EPHA6: variants seen among roughly 807,000 people sequenced by gnomAD.
The protein encoded by EPHA6 is ephrin type-A receptor 6.
A neutral mutation model predicts 112.0 loss-of-function variants in EPHA6; 50 were observed. The ratio of observed to expected loss-of-function variants is 0.45; its 90% CI spans 0.36 to 0.56. EPHA6 has a LOEUF of 0.56. Among genes scored for constraint, EPHA6 ranks in the 20% least tolerant of loss-of-function variants. EPHA6 has a pLI of 0.00. For synonymous variants in EPHA6, 529 were observed against 490.7 expected, an observed-to-expected ratio of 1.08 and a Z score of -1.03; for missense variants, 1,280 against 1,417.4, an observed-to-expected ratio of 0.90 and a Z score of 1.56.
intron 11 of EPHA6, among the ~76,000 whole-genome samples, chr3:97,538,434 C>T (rs560523042): frequency 6.6e-6 from 1 of 152,242 alleles, no homozygotes; most frequent in African/African-American, 2.4e-5. Context: ...CTTATTTGGA[C>T]ATGCTAAGTT....
At chr3:97,009,130 C>T (rs1239682830) in intron 3 of EPHA6, among the ~76,000 whole-genome samples, 1 of 152,076 alleles carries the variant, frequency 6.6e-6, no homozygotes, top group African/African-American at 2.4e-5. Flanking sequence ...AGCACTTTGT[C>T]CCTTGGTGGA....
chr3:97,535,975 T>C (rs1400983081), intron 11 of EPHA6, among the ~76,000 whole-genome samples: 2 of 152,102 alleles, frequency 1.3e-5, no homozygotes, highest in Non-Finnish European at 2.9e-5. Context: ...AGCTGTATTA[T>C]CCAAAAAACT....
intron 3 of EPHA6, among the ~76,000 whole-genome samples, chr3:97,144,355 T>C (rs1403120266): frequency 6.6e-6 from 1 of 151,546 alleles, no homozygotes; most frequent in African/African-American, 2.4e-5. Flanking sequence ...ACTTTACAAT[T>C]ATATGGATCA....
intron 3 of EPHA6, among the ~76,000 whole-genome samples, chr3:97,051,168 A>G (rs2045674082): frequency 1.3e-5 from 2 of 152,156 alleles, no homozygotes; most frequent in Non-Finnish European, 2.9e-5. Context: ...GCTATCCATC[A>G]CTCATTTGTT....
intron 5 of EPHA6, among the ~76,000 whole-genome samples, chr3:97,338,288 A>G (rs764268499): frequency 3.3e-5 from 5 of 152,142 alleles, no homozygotes; most frequent in Non-Finnish European, 5.9e-5. Flanking sequence ...TCGATAAATG[A>G]AGACATGAAG....
intron 3 of EPHA6, among the ~76,000 whole-genome samples, chr3:97,127,780 C>T (rs932618857): frequency 6.6e-6 from 1 of 151,300 alleles, no homozygotes; most frequent in African/African-American, 2.4e-5. Flanking sequence ...TAGCTTCCAG[C>T]GTGTCATATT....
rs552315488 is a variant in EPHA6, at chr3:97,566,619, C to T, written c.2387-25993C>T. Among the ~76,000 whole-genome samples the T allele has an allele frequency of 2.0e-5, 3 of 152,098 alleles. No homozygotes were observed. In the East Asian group the frequency reaches 5.8e-4, roughly 29 times the overall value. ...TCTGTTAGTGAGAAATGTTAGAAAC[C>T]CAAGTCATGCTCTCTTAATTCAAAG... On this transcript the variant is annotated intron_variant, in intron 11 of 17. Coordinates refer to ENST00000389672, the MANE Select transcript of EPHA6 (RefSeq NM_001080448.3).
At chr3:97,631,830 A>G (rs2093905369) in intron 13 of EPHA6, among the ~76,000 whole-genome samples, 2 of 151,982 alleles carry the variant, frequency 1.3e-5, no homozygotes, top group African/African-American at 4.8e-5. Flanking sequence ...GAATCGCCAG[A>G]GTTATCTGCT....
At chr3:97,647,776 CTG>C (rs374225506) in intron 14 of EPHA6, among the ~76,000 whole-genome samples, 41 of 152,250 alleles carry the variant, frequency 2.7e-4, no homozygotes, top group Non-Finnish European at 5.1e-4. Context: ...ACATGGACAA[CTG>C]TTTTATAACC....
intron 14 of EPHA6, among the ~76,000 whole-genome samples, chr3:97,682,952 C>G (rs1423190510): frequency 1.3e-5 from 2 of 152,078 alleles, no homozygotes; most frequent in Non-Finnish European, 2.9e-5. Context: ...TTTGCTGTAA[C>G]CTGACTACAG....
At chr3:97,156,000 T>G (rs1264554800) in intron 3 of EPHA6, among the ~76,000 whole-genome samples, 2 of 152,120 alleles carry the variant, frequency 1.3e-5, no homozygotes, top group Admixed American at 1.3e-4. Flanking sequence ...CAGAATAATC[T>G]CCCTATATTA....
At chr3:96,940,325 T>G (rs141234807) in intron 2 of EPHA6, among the ~76,000 whole-genome samples, 3 of 152,342 alleles carry the variant, frequency 2.0e-5, no homozygotes, top group Non-Finnish European at 2.9e-5. Context: ...TTAGCTCTTG[T>G]TGAATTGATC....
intron 14 of EPHA6, among the ~76,000 whole-genome samples, chr3:97,642,574 C>T (rs951252572): frequency 6.6e-6 from 1 of 151,198 alleles, no homozygotes; most frequent in Non-Finnish European, 1.5e-5. Flanking sequence ...ACTAGAATAA[C>T]CAATACAGAG....
intron 3 of EPHA6, among the ~76,000 whole-genome samples, chr3:97,102,317 G>A (rs577977637): frequency 6.6e-5 from 10 of 152,132 alleles, no homozygotes; most frequent in African/African-American, 2.4e-4. Context: ...TAAATGCTAC[G>A]TGGAGCAAAG....
chr3:97,531,628 T>G lies in EPHA6; in HGVS notation c.2201-730T>G, dbSNP rs111855489. On this transcript the variant is annotated intron_variant, in intron 10 of 17. Coordinates refer to ENST00000389672, the MANE Select transcript of EPHA6 (RefSeq NM_001080448.3). ...AATGTTTAATTTATGTGCATCTAAA[T>G]TCTCCTACCAGATTATAAGCACCTG... is the stretch of plus-strand genomic sequence containing the variant. Among the ~76,000 whole-genome samples the G allele has an allele frequency of 5.8e-3, 886 of 152,220 alleles. 6 individuals carry two copies. The highest frequency in any genetic ancestry group is 9.7e-3 in the Non-Finnish European group (662 of 67,972).
chr3:97,016,922 G>A (rs1160207812), intron 3 of EPHA6, among the ~76,000 whole-genome samples: 1 of 152,216 alleles, frequency 6.6e-6, no homozygotes, highest in Non-Finnish European at 1.5e-5. Flanking sequence ...ATGCTGAGTA[G>A]TAGAGCATTG....
intron 14 of EPHA6, among the ~76,000 whole-genome samples, chr3:97,714,957 A>G (rs2034147610): frequency 1.3e-5 from 2 of 152,252 alleles, no homozygotes; most frequent in Admixed American, 6.5e-5. Flanking sequence ...GTTAAAAAAT[A>G]AAAAGAAAGA....
chr3:97,174,337 G>C (rs1284903237), intron 3 of EPHA6, among the ~76,000 whole-genome samples: 1 of 151,782 alleles, frequency 6.6e-6, no homozygotes, highest in Non-Finnish European at 1.5e-5. Flanking sequence ...CTTAACTATG[G>C]TGAGCAGTGC....
rs534582257 is a variant in EPHA6, at chr3:97,419,087, C to T, written c.1731+13813C>T. ...TGGCAAGCCAAGGCGGGCGAATCAC[C>T]TGAGTTCGGGAGTTTAACACCTGCC... On this transcript the variant is annotated intron_variant, in intron 6 of 17. Coordinates refer to ENST00000389672, the MANE Select transcript of EPHA6 (RefSeq NM_001080448.3). Among the ~76,000 whole-genome samples the T allele has an allele frequency of 1.2e-4, 18 of 152,194 alleles. No individual in the cohort carries two copies. The East Asian group carries it at 3.1e-3, about 26-fold the overall frequency.
Sources: gnomAD v4.1 joint callset for allele counts (sites outside exome capture counted in the v4.1 genomes callset) on GRCh38, gnomAD v4.1.1 for gene constraint, MANE v1.5 for transcripts, NCBI Gene and HGNC (gene_info 2026-07-23, HGNC 2026-07-21) for gene names.